The following GSTM2 variants were observed in gnomAD, a reference collection of about 807,000 sequenced individuals.
The protein encoded by GSTM2 is glutathione S-transferase mu 2, also known as GST class-mu 2.
Under a neutral mutation model 33.3 loss-of-function variants are expected in GSTM2, and 33 were observed. The observed-to-expected ratio is 0.99, with a 90% CI of 0.75 to 1.33. GSTM2 has a LOEUF of 1.33. Ranked by LOEUF, GSTM2 falls within the 40% of genes most tolerant of loss-of-function variation. The probability of loss-of-function intolerance (pLI) is 0.00; values close to 1 mark genes in which losing one functional copy is unlikely to be tolerated. For synonymous variants in GSTM2, 93 were observed against 95.6 expected, an observed-to-expected ratio of 0.97 and a Z score of 0.16; for missense variants, 213 against 265.8, an observed-to-expected ratio of 0.80 and a Z score of 1.38.
At chr1:109,679,517 C>T (rs1302778720), downstream of GSTM2, among the ~76,000 whole-genome samples, 1 of 152,196 alleles carries the variant, frequency 6.6e-6, no homozygotes, top group Non-Finnish European at 1.5e-5. Flanking sequence ...TTTCTACCTT[C>T]ACCTTTTTTG....
At chr1:109,672,061 C>A (rs1647561046) in intron 7 of GSTM2, among the ~76,000 whole-genome samples, 1 of 150,868 alleles carries the variant, frequency 6.6e-6, no homozygotes, top group African/African-American at 2.4e-5. Flanking sequence ...GGGTGGATCA[C>A]CTGAGGTCGG....
chr1:109,670,408 T>C (rs925886063), intron 5 of GSTM2, among the ~76,000 whole-genome samples: 1 of 152,140 alleles, frequency 6.6e-6, no homozygotes, highest in African/African-American at 2.4e-5. Context: ...GGGTCCTGTT[T>C]TCTGTTTGAA....
chr1:109,668,609 C>T, intron 2 of GSTM2, 109 bp downstream of exon 2: 1 of 1,249,560 alleles, frequency 8.0e-7, no homozygotes, highest in Non-Finnish European at 1.2e-6. Flanking sequence ...GCTGGAACTG[C>T]AGGCTGTCCC....
downstream of GSTM2, among the ~76,000 whole-genome samples, chr1:109,676,749 C>T (rs1413512825): frequency 1.3e-5 from 2 of 152,186 alleles, no homozygotes; most frequent in Non-Finnish European, 1.5e-5. Flanking sequence ...TCTTGATTCA[C>T]ATCCTTGCAG....
chr1:109,668,195 G>A, intron 1 of GSTM2, 44 bp downstream of exon 1: 2 of 1,518,200 alleles, frequency 1.3e-6, no homozygotes, highest in Non-Finnish European at 9.1e-7. Context: ...GTGCGTGGGG[G>A]CGGGGAAGTG....
chr1:109,668,194 G>C, intron 1 of GSTM2, 43 bp downstream of exon 1: 1 of 1,530,426 alleles, frequency 6.5e-7, no homozygotes, highest in Non-Finnish European at 9.0e-7. Flanking sequence ...GGTGCGTGGG[G>C]GCGGGGAAGT....
Position 109,669,047 on chromosome 1 carries a change from C to G in GSTM2, c.177+58C>G, listed in dbSNP as rs1647433577. ...AAGTGCGACGTGTCTCTGACTGCAT[C>G]TCCTCTCCCCAGCTTAGAGGTGTTA... On this transcript the variant is annotated intron_variant, in intron 3 of 7. Coordinates refer to ENST00000241337, the MANE Select transcript of GSTM2 (RefSeq NM_000848.4). The G allele has an allele frequency of 3.2e-6, 5 of 1,554,030 alleles. No individual in the cohort carries two copies. The African/African-American group carries it at 5.5e-5, about 17-fold the overall frequency.
At chr1:109,670,720 C>T (rs1647508285) in intron 5 of GSTM2, 1 of 152,730 alleles carries the variant, frequency 6.5e-6, no homozygotes, top group Admixed American at 6.5e-5. Context: ...AGTAATGGCA[C>T]CTGAAATTTT....
intron 2 of GSTM2, 134 bp from the exon 3 acceptor site, chr1:109,668,791 G>C: frequency 1.9e-6 from 2 of 1,068,118 alleles, no homozygotes; most frequent in Non-Finnish European, 2.9e-6. Flanking sequence ...CTGAATCCTG[G>C]GATGTGGGAC....
At chr1:109,668,623 C>T (rs1011121102) in intron 2 of GSTM2, 123 bp downstream of exon 2, 1 of 1,161,132 alleles carries the variant, frequency 8.6e-7, no homozygotes, top group Non-Finnish European at 1.3e-6. Context: ...CTGTCCCTTC[C>T]CTGAGCCCTG....
downstream of GSTM2, among the ~76,000 whole-genome samples, chr1:109,678,712 A>G: frequency 6.6e-6 from 1 of 150,982 alleles, no homozygotes; most frequent in Non-Finnish European, 1.5e-5. Context: ...GTGAGCCAAG[A>G]TCATGCCACT....
At chr1:109,682,444 G>GCA (rs1647876111) in intron 7 of GSTM2, among the ~76,000 whole-genome samples, 2 of 73,276 alleles carry the variant, frequency 2.7e-5, no homozygotes, top group Non-Finnish European at 7.2e-5. Context: ...GTTTCACCAT[G>GCA]TTAGCCAGGA....
At chr1:109,680,077 C>G (rs1175046081), downstream of GSTM2, among the ~76,000 whole-genome samples, 1 of 151,978 alleles carries the variant, frequency 6.6e-6, no homozygotes, top group African/African-American at 2.4e-5. Context: ...GTTCTGAGGC[C>G]TTTAGACTCA....
chr1:109,670,468 G>A (rs1647498121), intron 5 of GSTM2, among the ~76,000 whole-genome samples: 1 of 152,056 alleles, frequency 6.6e-6, no homozygotes, highest in African/African-American at 2.4e-5. Context: ...TGCCACCAGA[G>A]TGACCCTCAA....
rs201667505 is a variant in GSTM2, at chr1:109,674,817, C to T, written c.638C>T (p.Ala213Val). The change falls in exon 8 of 8, where the codon GCT (alanine) becomes GTT (valine). Residue 213 changes from alanine (A) to valine (V), a missense_variant. By Grantham distance (64) the Ala-to-Val change is moderately conservative (BLOSUM62 0). Transcript: ENST00000241337. ...CCAAGACCTGTGTTCACAAAGATGG[C>T]TGTCTGGGGCAACAAGTAGGGCCTT... is the stretch of plus-strand genomic sequence containing the variant. ...FLPRPVFTKM[A>V]VWGNK is the part of the protein sequence containing the mutation. 2.3e-4 allele frequency: 365 copies of T among 1,614,198 alleles called. No homozygotes were observed. Among genetic ancestry groups the T allele is most frequent in the Non-Finnish European group, 2.9e-4 (348 of 1,180,038 alleles).
At position 109,682,538 on chromosome 1, in the gene GSTM2, T is replaced by C. The variant is rs1247083136; in HGVS notation, c.567+10955T>C. Among the ~76,000 whole-genome samples, 4 of 115,880 alleles carry C rather than the reference T, an allele frequency of 3.5e-5. No individual in the cohort carries two copies. The East Asian group carries it at 8.3e-4, about 24-fold the overall frequency. The allele number at this position is 115,880 out of a possible 152,430, so 76.0% of individuals were successfully genotyped here. A position where few individuals can be genotyped will look rare whatever the true frequency, so the allele number is the denominator to read the frequency against. On this transcript the variant is annotated intron_variant, in intron 7 of 7. Transcript: ENST00000369831. ...TACAGGCGTGTAGTTACCTAACTTT[T>C]AACAGAATAAACTATTACATATAAC...
downstream of GSTM2, among the ~76,000 whole-genome samples, chr1:109,677,584 G>A (rs1474483605): frequency 3.9e-5 from 6 of 152,170 alleles, no homozygotes; most frequent in East Asian, 1.9e-4. Flanking sequence ...CCACTTACAC[G>A]AAAATCAGGA....
intron 7 of GSTM2, chr1:109,673,528 C>T (rs1570630364): frequency 1.2e-5 from 5 of 418,032 alleles, no homozygotes; most frequent in Non-Finnish European, 1.3e-5. Context: ...TCTGGTTCTG[C>T]GGTTCTGGTC....
intron 1 of GSTM2, 113 bp from the exon 2 acceptor site, chr1:109,668,311 GT>G: frequency 3.6e-6 from 5 of 1,379,662 alleles, no homozygotes; most frequent in Non-Finnish European, 4.1e-6. Flanking sequence ...GGCGTGCGGG[GT>G]GGGGGCGGGT....
Sources: allele counts gnomAD v4.1 joint callset (sites outside exome capture counted in the v4.1 genomes callset), GRCh38; gene constraint gnomAD v4.1.1; transcripts MANE v1.5; gene names NCBI Gene and HGNC (gene_info 2026-07-23, HGNC 2026-07-21).